SBF2: variants seen among roughly 807,000 people sequenced by gnomAD.
SBF2 encodes myotubularin-related protein 13.
SBF2 carries 112 observed loss-of-function variants against 225.2 expected under a neutral mutation model. The observed-to-expected ratio is 0.50, with a 90% CI of 0.43 to 0.58. The LOEUF (loss-of-function observed/expected upper bound fraction) is 0.58, where lower values mean the gene tolerates loss of function less well. Among genes scored for constraint, SBF2 ranks in the 20% least tolerant of loss-of-function variants. SBF2 has a pLI of 0.00. For synonymous variants in SBF2, 763 were observed against 773.3 expected (o/e 0.99, Z 0.22); for missense variants, 1,996 against 2,206.2 (o/e 0.90, Z 1.91).
At chr11:9,800,065 C>A (rs984455631) in intron 32 of SBF2, among the ~76,000 whole-genome samples, 5 of 152,036 alleles carry the variant, frequency 3.3e-5, no homozygotes, top group African/African-American at 1.2e-4. Flanking sequence ...TGGTGAAACA[C>A]CATTTCTGCT....
At chr11:9,945,668 G>C (rs1035091787) in intron 16 of SBF2, among the ~76,000 whole-genome samples, 6 of 151,894 alleles carry the variant, frequency 4.0e-5, no homozygotes, top group Non-Finnish European at 8.8e-5. Flanking sequence ...CTAAAGAATG[G>C]GAAAAAATAT....
chr11:10,125,509 C>G (rs1953707786), intron 2 of SBF2, among the ~76,000 whole-genome samples: 1 of 152,106 alleles, frequency 6.6e-6, no homozygotes, highest in Non-Finnish European at 1.5e-5. Flanking sequence ...AACTACATAG[C>G]CTCCTGCCTT....
At chr11:10,285,292 A>G (rs987924547) in intron 1 of SBF2, among the ~76,000 whole-genome samples, 1 of 151,960 alleles carries the variant, frequency 6.6e-6, no homozygotes, top group Non-Finnish European at 1.5e-5. Context: ...CCTGGTCAAC[A>G]GAGTGAGACG....
intron 20 of SBF2, 57 bp downstream of exon 20, chr11:9,853,483 T>C (rs1300771480): frequency 1.6e-5 from 24 of 1,487,100 alleles, no homozygotes; most frequent in African/African-American, 2.8e-5. Context: ...CCAGGTTTTA[T>C]GCTGAAACTC....
At chr11:9,979,810 CTT>C (rs933648882) in intron 13 of SBF2, among the ~76,000 whole-genome samples, 56 of 137,098 alleles carry the variant, frequency 4.1e-4, no homozygotes, top group Admixed American at 4.4e-4. Context: ...TTAAATTCAT[CTT>C]TTTTTTTTTT....
At chr11:9,811,208 G>C (rs1184687248) in intron 30 of SBF2, 1 of 152,138 alleles carries the variant, frequency 6.6e-6, no homozygotes, top group African/African-American at 2.4e-5. Context: ...GTGAGAGGAG[G>C]GTGAGGATAG....
At chr11:10,086,253 G>T (rs773213416) in intron 2 of SBF2, among the ~76,000 whole-genome samples, 6 of 147,664 alleles carry the variant, frequency 4.1e-5, no homozygotes, top group Non-Finnish European at 7.7e-5. Context: ...ATATGTCCTG[G>T]CCATGTTTTT....
intron 1 of SBF2, among the ~76,000 whole-genome samples, chr11:10,244,582 G>A (rs774900232): frequency 2.0e-5 from 3 of 152,176 alleles, no homozygotes; most frequent in African/African-American, 7.2e-5. Context: ...GCTCAAAACT[G>A]CTTTGGGTAT....
At chr11:9,980,192 G>A (rs948579408) in intron 13 of SBF2, among the ~76,000 whole-genome samples, 2 of 150,212 alleles carry the variant, frequency 1.3e-5, no homozygotes, top group Non-Finnish European at 2.9e-5. Context: ...TGTTGGCCAA[G>A]CTGGTCTCGA....
intron 2 of SBF2, among the ~76,000 whole-genome samples, chr11:10,120,776 C>T (rs1042747155): frequency 6.6e-6 from 1 of 152,282 alleles, no homozygotes; most frequent in African/African-American, 2.4e-5. Flanking sequence ...TGTGCCACCA[C>T]GCCCAGCTAA....
At chr11:10,245,245 A>T (rs59489558) in intron 1 of SBF2, among the ~76,000 whole-genome samples, 1,610 of 152,242 alleles carry the variant, frequency 0.011, 34 homozygotes, top group African/African-American at 0.036. Flanking sequence ...TACTCATAAA[A>T]ATCAAAACCA....
At chr11:10,011,289 C>T (rs759492075) in intron 6 of SBF2, among the ~76,000 whole-genome samples, 7 of 152,034 alleles carry the variant, frequency 4.6e-5, no homozygotes, top group Admixed American at 1.3e-4. Context: ...TATAGTGGTG[C>T]GATCTTGGCT....
chr11:9,794,676 CAAAAAAAAAAAA>C lies in SBF2; in HGVS notation c.4570+1143_4570+1154del, dbSNP rs575749593. ...TGATACAGTGAGTGGGACTCCGTCTCAAAAAAAAAAAAAAAAAAAAAAAAAAAAAAAGACCAG... is the reference window on the plus strand; with the variant it reads ...TGATACAGTGAGTGGGACTCCGTCTCAAAAAAAAAAAAAAAAAAAGACCAG... On this transcript the variant is annotated intron_variant, in intron 33 of 39. Transcript: ENST00000256190. 2.4e-3 allele frequency among the ~76,000 whole-genome samples: 85 copies of C among 35,352 alleles called. 1 individual carries two copies. The South Asian group carries it at 0.061, about 26-fold the overall frequency. The allele number at this position is 35,352 out of a possible 152,430, so 23.2% of individuals were successfully genotyped here.
intron 1 of SBF2, among the ~76,000 whole-genome samples, chr11:10,226,130 C>T (rs118029987): frequency 0.019 from 2,824 of 152,156 alleles, 57 homozygotes; most frequent in South Asian, 0.07. Flanking sequence ...TTCATGGTCA[C>T]GACCCGGTCA....
chr11:9,895,504 C>T (rs975356467), intron 17 of SBF2, among the ~76,000 whole-genome samples: 6 of 152,228 alleles, frequency 3.9e-5, no homozygotes, highest in African/African-American at 1.4e-4. Context: ...TCAGAAGGTT[C>T]GCAGAAATTA....
At chr11:10,277,739 C>T (rs368770551) in intron 1 of SBF2, among the ~76,000 whole-genome samples, 9 of 152,048 alleles carry the variant, frequency 5.9e-5, no homozygotes, top group East Asian at 5.8e-4. Context: ...ACAGAGAATG[C>T]GGCCATGTGA....
intron 28 of SBF2, among the ~76,000 whole-genome samples, chr11:9,822,405 C>T (rs1040988709): frequency 6.6e-6 from 1 of 152,058 alleles, no homozygotes; most frequent in Non-Finnish European, 1.5e-5. Flanking sequence ...GGACTACAGG[C>T]GCCCGCCACC....
chr11:10,076,878 G>T (rs1157764602), intron 2 of SBF2, among the ~76,000 whole-genome samples: 2 of 152,172 alleles, frequency 1.3e-5, no homozygotes, highest in African/African-American at 4.8e-5. Flanking sequence ...CCGGAGCATG[G>T]GACTGTCCAG....
In SBF2 at chr11:9,806,297, AG is replaced by A. The variant is rs143461116; in HGVS notation, c.4443+1702del. ...GTGCTCAGAACAGTGCCTGGCACAT[AG>A]TAAGCAGTCGACACAAATTAGTAAT... On this transcript the variant is annotated intron_variant, in intron 32 of 39. Transcript: ENST00000256190. Among the ~76,000 whole-genome samples, 1,327 of 152,376 alleles carry A rather than the reference AG, an allele frequency of 8.7e-3. 17 individuals are homozygous for A. Among genetic ancestry groups the A allele is most frequent in the African/African-American group, 0.03 (1,254 of 41,590 alleles).
Sources: gnomAD v4.1 joint callset for allele counts (sites outside exome capture counted in the v4.1 genomes callset) on GRCh38, gnomAD v4.1.1 for gene constraint, MANE v1.5 for transcripts, NCBI Gene and HGNC (gene_info 2026-07-23, HGNC 2026-07-21) for gene names.